The following EPB41L4A variants were observed in gnomAD, a reference collection of about 807,000 sequenced individuals.
EPB41L4A encodes the protein erythrocyte membrane protein band 4.1 like 4A.
Under a neutral mutation model 108.6 loss-of-function variants are expected in EPB41L4A, and 100 were observed. The observed-to-expected ratio is 0.92, with a 90% CI of 0.78 to 1.09. The LOEUF is 1.09. Ranked by LOEUF, EPB41L4A falls within the 50% of genes least tolerant of loss-of-function variation. The pLI is 0.00. For missense variants in EPB41L4A, 1,030 were observed against 842.7 expected, an observed-to-expected ratio of 1.22 and a Z score of -2.75; for synonymous variants, 319 against 289.0, an observed-to-expected ratio of 1.10 and a Z score of -1.05.
intron 4 of EPB41L4A, among the ~76,000 whole-genome samples, chr5:112,267,115 T>G (rs1456463223): frequency 6.6e-6 from 1 of 152,194 alleles, no homozygotes; most frequent in African/African-American, 2.4e-5. Context: ...ATTTTTTTTC[T>G]TATTCAGCTA....
In EPB41L4A at chr5:112,163,752, G is replaced by T. The variant is rs531338711; in HGVS notation, c.*1238C>A. 6.6e-6 allele frequency: 1 copy of T among 152,094 alleles called. No individual in the cohort carries two copies. The highest frequency in any genetic ancestry group is 1.5e-5 in the Non-Finnish European group (1 of 68,026). The allele number at this position is 152,094 out of a possible 1,614,324, so 9.4% of individuals were successfully genotyped here. ...AAATCTTAGTTGCTTGGCGGGAGGG[G>T]GTTTGTGGTTGTGAAAGATAGTTTT... On this transcript the variant is annotated 3_prime_UTR_variant, in exon 23 of 23. Coordinates refer to ENST00000261486, the MANE Select transcript of EPB41L4A (RefSeq NM_022140.5).
At chr5:112,308,212 G>A (rs1297500781) in intron 1 of EPB41L4A, among the ~76,000 whole-genome samples, 1 of 152,124 alleles carries the variant, frequency 6.6e-6, no homozygotes, top group Non-Finnish European at 1.5e-5. Flanking sequence ...AGAAACACTT[G>A]TATAGATACA....
intron 10 of EPB41L4A, among the ~76,000 whole-genome samples, 177 bp from the exon 11 acceptor site, chr5:112,239,914 T>C (rs1246123200): frequency 6.6e-6 from 1 of 152,184 alleles, no homozygotes; most frequent in African/African-American, 2.4e-5. Context: ...CAATTTTGTT[T>C]CCATTTAAAA....
At chr5:112,335,399 ACTTT>A (rs1489372387) in intron 1 of EPB41L4A, among the ~76,000 whole-genome samples, 1 of 152,240 alleles carries the variant, frequency 6.6e-6, no homozygotes, top group African/African-American at 2.4e-5. Context: ...AATGTTTACC[ACTTT>A]CTTTGAAATC....
intron 2 of EPB41L4A, among the ~76,000 whole-genome samples, chr5:112,292,334 G>A (rs1014116819): frequency 4.6e-5 from 7 of 152,268 alleles, no homozygotes; most frequent in Admixed American, 2.6e-4. Context: ...GAAACTTCCT[G>A]AATATCCTCT....
In EPB41L4A at chr5:112,341,035, C is replaced by T. The variant is rs530309674; in HGVS notation, c.100-33545G>A. Among the ~76,000 whole-genome samples the T allele has an allele frequency of 9.0e-4, 137 of 152,292 alleles. 1 individual carries two copies. Among genetic ancestry groups the T allele is most frequent in the Non-Finnish European group, 1.8e-3 (122 of 68,028 alleles). ...TGGAAGGTCCTCTGCAAGCACCACTCCATAATAGCAATCCTCCCCACACGC... is the reference window on the plus strand; with the variant it reads ...TGGAAGGTCCTCTGCAAGCACCACTTCATAATAGCAATCCTCCCCACACGC... On this transcript the variant is annotated intron_variant, in intron 1 of 22. Transcript: ENST00000261486.
intron 16 of EPB41L4A, among the ~76,000 whole-genome samples, chr5:112,195,258 A>C (rs1761904763): frequency 6.6e-6 from 1 of 152,116 alleles, no homozygotes; most frequent in Non-Finnish European, 1.5e-5. Context: ...CCAAGATGCC[A>C]ACACGAAAGA....
intron 15 of EPB41L4A, among the ~76,000 whole-genome samples, chr5:112,198,897 C>T (rs1232227456): frequency 2.6e-5 from 4 of 151,806 alleles, no homozygotes; most frequent in African/African-American, 7.3e-5. Context: ...TGTCTGTTTC[C>T]TGTGAGAATG....
intron 12 of EPB41L4A, among the ~76,000 whole-genome samples, chr5:112,149,377 C>G (rs576271132): frequency 6.6e-6 from 1 of 152,250 alleles, no homozygotes; most frequent in East Asian, 1.9e-4. Flanking sequence ...GAGGCTGAGG[C>G]AGGAGAATCG....
chr5:112,162,551 C>G (rs1759972705), downstream of EPB41L4A: 1 of 152,206 alleles, frequency 6.6e-6, no homozygotes, highest in African/African-American at 2.4e-5. Flanking sequence ...TATTTTTCCT[C>G]CAACTAAATT....
intron 2 of EPB41L4A, among the ~76,000 whole-genome samples, chr5:112,282,621 G>A (rs1485062085): frequency 6.6e-6 from 1 of 152,198 alleles, no homozygotes; most frequent in Non-Finnish European, 1.5e-5. Context: ...CAGTAAGGGA[G>A]AGGGCTTATG....
chr5:112,238,588 G>A (rs1016364872), intron 11 of EPB41L4A, among the ~76,000 whole-genome samples: 1 of 152,124 alleles, frequency 6.6e-6, no homozygotes, highest in African/African-American at 2.4e-5. Context: ...TGCTTGCCTT[G>A]GCTTTTTTTG....
At chr5:112,363,165 A>AC (rs1758889014) in intron 1 of EPB41L4A, among the ~76,000 whole-genome samples, 1 of 152,044 alleles carries the variant, frequency 6.6e-6, no homozygotes, top group Non-Finnish European at 1.5e-5. Flanking sequence ...ACCCTGCAGC[A>AC]CCTCCTGGCC....
chr5:112,332,469 AT>A (rs1289973438), intron 1 of EPB41L4A, among the ~76,000 whole-genome samples: 1 of 152,098 alleles, frequency 6.6e-6, no homozygotes, highest in Non-Finnish European at 1.5e-5. Context: ...ATTGATTTTT[AT>A]TTTTTAAAGA....
chr5:112,262,359 G>T, intron 7 of EPB41L4A, 135 bp downstream of exon 7: 1 of 704,276 alleles, frequency 1.4e-6, no homozygotes, highest in Non-Finnish European at 2.4e-6. Context: ...GCTGCTTTGT[G>T]TTAGAAAAAC....
chr5:112,322,580 C>A (rs1385022308), intron 1 of EPB41L4A, among the ~76,000 whole-genome samples: 6 of 152,104 alleles, frequency 3.9e-5, no homozygotes, highest in African/African-American at 1.4e-4. Flanking sequence ...ATCCTACCGA[C>A]CCCAGCAGAC....
chr5:112,152,185 AAAAAG>A (rs1246769855), intron 12 of EPB41L4A, among the ~76,000 whole-genome samples: 12 of 152,302 alleles, frequency 7.9e-5, no homozygotes, highest in Admixed American at 2.6e-4. Flanking sequence ...CAAAATATAA[AAAAAG>A]AAAAGAGAAA....
At chr5:112,287,055 C>T (rs920790937) in intron 2 of EPB41L4A, among the ~76,000 whole-genome samples, 9 of 152,132 alleles carry the variant, frequency 5.9e-5, no homozygotes, top group African/African-American at 9.7e-5. Context: ...TTGCTGGTTG[C>T]TCATATTTCC....
At chr5:112,302,462 G>C (rs917089297) in intron 2 of EPB41L4A, among the ~76,000 whole-genome samples, 1 of 152,164 alleles carries the variant, frequency 6.6e-6, no homozygotes, top group African/African-American at 2.4e-5. Context: ...AGAGGCATCC[G>C]AGTAGTGAAC....
Sources: allele counts gnomAD v4.1 joint callset (sites outside exome capture counted in the v4.1 genomes callset), GRCh38; gene constraint gnomAD v4.1.1; transcripts MANE v1.5; gene names NCBI Gene and HGNC (gene_info 2026-07-23, HGNC 2026-07-21).